Variants in AP1M2 observed in about 807,000 individuals in gnomAD.
AP1M2 encodes AP-1 complex subunit mu-2.
AP1M2 carries 41 observed loss-of-function variants against 54.6 expected under a neutral mutation model. The ratio of observed to expected loss-of-function variants is 0.75; its 90% confidence interval spans 0.59 to 0.97. The LOEUF is 0.97. AP1M2 is among the 50% of genes least tolerant of loss of function. AP1M2 has a pLI of 0.00. For missense variants in AP1M2, 507 were observed against 561.2 expected, an observed-to-expected ratio of 0.90 and a Z score of 0.98; for synonymous variants, 219 against 215.9, an observed-to-expected ratio of 1.01 and a Z score of -0.13.
chr19:10,574,191 T>C (rs1167701052), intron 11 of AP1M2, among the ~76,000 whole-genome samples: 1 of 152,126 alleles, frequency 6.6e-6, no homozygotes, highest in Non-Finnish European at 1.5e-5. Flanking sequence ...GGCTAATTTT[T>C]GTATTTTTAG....
rs148762157 is a variant in AP1M2 at position 10,585,627 on chromosome 19, G to A, written c.43-1557C>T. Among the ~76,000 whole-genome samples, 600 of 152,018 alleles carry A rather than the reference G, an allele frequency of 3.9e-3. 8 individuals are homozygous for A. Among genetic ancestry groups the A allele is most frequent in the Middle Eastern group, 6.8e-3 (2 of 294 alleles). On this transcript the variant is annotated intron_variant, in intron 1 of 11. Transcript: ENST00000250244. ...CATGAGAATCACTTGAACCCAGGAG[G>A]TGAAGGTTGCTGTGAGCTGAGATCA...
Position 10,577,242 on chromosome 19 carries a change from C to T in AP1M2, c.1003G>A (p.Val335Met), listed in dbSNP as rs374637915. Reference protein sequence around the residue: ...FKTSVGSAKYVPERNVVIWSI... With the variant: ...FKTSVGSAKYMPERNVVIWSI... ...CAAATCACGACGTTTCTCTCCGGCA[C>T]ATACTTGGCGCTGCCCACACTGGTC... Residue 335 changes from valine (V) to methionine (M), a missense_variant, in exon 9 of 12, where the codon GTG (valine) becomes ATG (methionine). Val to Met is a conservative substitution (Grantham distance 21). Transcript: ENST00000250244. 8.6e-5 allele frequency: 139 copies of T among 1,613,288 alleles called. No homozygotes were observed. Among genetic ancestry groups the T allele is most frequent in the Non-Finnish European group, 1.1e-4 (130 of 1,179,750 alleles).
At chr19:10,578,844 A>G (rs774435572) in intron 8 of AP1M2, 48 bp downstream of exon 8, 93 of 1,485,462 alleles carry the variant, frequency 6.3e-5, no homozygotes, top group Non-Finnish European at 8.4e-5. Context: ...GAGCCACCGC[A>G]CCCACCCGAG....
rs182418879 is a variant in AP1M2 at position 10,586,611 on chromosome 19, G to A, written c.42+579C>T. Among the ~76,000 whole-genome samples, 39 of 152,210 alleles carry A rather than the reference G, an allele frequency of 2.6e-4. No individual in the cohort carries two copies. The East Asian group carries it at 5.2e-3, about 20-fold the overall frequency. On this transcript the variant is annotated intron_variant, in intron 1 of 11. Coordinates refer to ENST00000250244, the MANE Select transcript of AP1M2 (RefSeq NM_005498.5). The stretch of plus-strand genomic sequence containing the variant: ...GCCAGGCATGGTGGCCTGCACCTGT[G>A]TAGTCACAGCTACTCCGGAGACTGA...
chr19:10,583,666 G>A lies in AP1M2; in HGVS notation c.207C>T (p.Ala69=), dbSNP rs777039078. 2.5e-6 allele frequency: 4 copies of A among 1,613,144 alleles called. No individual in the cohort carries two copies. The highest frequency in any genetic ancestry group is 1.3e-5 in the African/African-American group (1 of 74,874). Residue 69 remains alanine (A), a synonymous_variant, in exon 3 of 12, where the codon GCC becomes GCT. Coordinates refer to ENST00000250244, the MANE Select transcript of AP1M2 (RefSeq NM_005498.5). Reference sequence around the variant, plus strand: ...AGGCATTGGCATTCTTCGATGTGGTGGCCACCACTGGGGCAGCAAGGTTAA... The same window carrying A: ...AGGCATTGGCATTCTTCGATGTGGTAGCCACCACTGGGGCAGCAAGGTTAA... ...WIKHSNLYLV[A]TTSKNANASL...
At chr19:10,586,649 G>T (rs986837395) in intron 1 of AP1M2, among the ~76,000 whole-genome samples, 3 of 151,930 alleles carry the variant, frequency 2.0e-5, no homozygotes, top group Non-Finnish European at 4.4e-5. Flanking sequence ...CAGGAGGATC[G>T]CTTGAGCCCA....
chr19:10,584,408 G>A (rs957858144), intron 1 of AP1M2, among the ~76,000 whole-genome samples: 2 of 152,118 alleles, frequency 1.3e-5, no homozygotes, highest in African/African-American at 2.4e-5. Context: ...GTGAAACCCC[G>A]TCTTTACTAA....
intron 1 of AP1M2, among the ~76,000 whole-genome samples, chr19:10,585,302 A>G (rs59950085): frequency 0.024 from 1,538 of 65,404 alleles, 47 homozygotes; most frequent in East Asian, 0.11. Context: ...AAAGAAAGAA[A>G]GAAAGAAAGA....
At position 10,578,110 on chromosome 19, in the gene AP1M2, G is replaced by C. The variant is rs76234274; in HGVS notation, c.889-754C>G. Among the ~76,000 whole-genome samples the C allele has an allele frequency of 5.6e-3, 850 of 152,238 alleles. 5 individuals carry two copies. The highest frequency in any genetic ancestry group is 9.8e-3 in the Non-Finnish European group (668 of 68,006). On this transcript the variant is annotated intron_variant, in intron 8 of 11. Transcript: ENST00000250244. ...GAAGGCACCAAGAACAGGGCTTCTCGAGCCTCATGGGTGTGGGCCTGAGTT... is the reference window on the plus strand; with the variant it reads ...GAAGGCACCAAGAACAGGGCTTCTCCAGCCTCATGGGTGTGGGCCTGAGTT...
At position 10,581,814 on chromosome 19, in the gene AP1M2, T is replaced by G. The variant is rs1729069190; in HGVS notation, c.332A>C (p.Tyr111Ser). The G allele has an allele frequency of 2.5e-6, 4 of 1,613,882 alleles. No homozygotes were observed. The highest frequency in any genetic ancestry group is 2.2e-5 in the East Asian group (1 of 44,844). The change falls in exon 4 of 12, where the codon TAC (tyrosine) becomes TCC (serine). Residue 111 changes from tyrosine to serine, a missense_variant. Tyr to Ser is a moderately radical substitution (Grantham distance 144). Transcript: ENST00000250244. ...GTCCATGAGCTCGTCCAGCAACTCG[T>G]AGACGATGACAAAGTTGTCCCGGAT... ...ESIRDNFVIV[Y>S]ELLDELMDFG...
At chr19:10,579,939 G>A in intron 6 of AP1M2, 81 bp from the exon 7 acceptor site, 1 of 1,397,054 alleles carries the variant, frequency 7.2e-7, no homozygotes, top group Admixed American at 2.5e-5. Context: ...GCCGACCACT[G>A]TCACCTATTT....
rs918679182 is a variant in AP1M2, at chr19:10,581,232, C to T, written c.673+34G>A. Reference sequence around the variant, plus strand: ...GGGGCGGGTTTGCGACTCCCCTGTGCATTTCTCAGAAGAAAGGTCCCCTAA... The same window carrying T: ...GGGGCGGGTTTGCGACTCCCCTGTGTATTTCTCAGAAGAAAGGTCCCCTAA... On this transcript the variant is annotated intron_variant, in intron 6 of 11. Transcript: ENST00000250244. 7 of 1,588,468 alleles carry T rather than the reference C, an allele frequency of 4.4e-6. No homozygotes were observed. In the African/African-American group the frequency reaches 6.7e-5, roughly 15 times the overall value.
chr19:10,586,799 G>A (rs1917667473), intron 1 of AP1M2, among the ~76,000 whole-genome samples: 1 of 152,168 alleles, frequency 6.6e-6, no homozygotes, highest in East Asian at 1.9e-4. Context: ...ACAGATGGGG[G>A]GAGTTAGAGG....
In AP1M2 at chr19:10,581,775, T is replaced by A. The variant is rs1310624801; in HGVS notation, c.371A>T (p.Gln124Leu). The A allele has an allele frequency of 6.2e-7, 1 of 1,613,658 alleles. No individual in the cohort carries two copies. Reference sequence around the variant, plus strand: ...CTGCAGGATCTTGCTGTCGGTGGTCTGCGGGAAGCCAAAGTCCATGAGCTC... The same window carrying A: ...CTGCAGGATCTTGCTGTCGGTGGTCAGCGGGAAGCCAAAGTCCATGAGCTC... The part of the protein sequence containing the change: ...LDELMDFGFP[Q>L]TTDSKILQEY... The change falls in exon 4 of 12, where the codon CAG (glutamine) becomes CTG (leucine). Residue 124 changes from glutamine to leucine, a missense_variant. Gln to Leu is a moderately radical substitution (Grantham distance 113, BLOSUM62 -2). Transcript: ENST00000250244.
chr19:10,575,206 G>A (rs1188022761), intron 9 of AP1M2, among the ~76,000 whole-genome samples, 177 bp from the exon 10 acceptor site: 3 of 152,056 alleles, frequency 2.0e-5, no homozygotes, highest in Non-Finnish European at 4.4e-5. Context: ...TTAAAAATTA[G>A]CTGGGTGCGG....
In AP1M2 at chr19:10,585,286, A is replaced by AGAAAGAAAGAAAGAAAGAAAGAAG. The variant is rs1917606112; in HGVS notation, c.43-1217_43-1216insCTTCTTTCTTTCTTTCTTTCTTTC. Among the ~76,000 whole-genome samples, 15 of 58,138 alleles carry AGAAAGAAAGAAAGAAAGAAAGAAG rather than the reference A, an allele frequency of 2.6e-4. 1 individual carries two copies. The highest frequency in any genetic ancestry group is 6.9e-4 in the African/African-American group (10 of 14,568). The allele number at this position is 58,138 out of a possible 152,430, so 38.1% of individuals were successfully genotyped here. A position where few individuals can be genotyped will look rare whatever the true frequency, so the allele number is the denominator to read the frequency against. ...AAGGAAAGAAAGAAAGAAGAAAAAA[A>AGAAAGAAAGAAAGAAAGAAAGAAG]GAAAGAAAGAAAGAAAGAAAGAAAG... On this transcript the variant is annotated intron_variant, in intron 1 of 11. Transcript: ENST00000250244.
chr19:10,573,802 C>T (rs1468819081), intron 11 of AP1M2, among the ~76,000 whole-genome samples: 1 of 151,194 alleles, frequency 6.6e-6, no homozygotes, highest in Admixed American at 6.6e-5. Flanking sequence ...GCTGGGACTA[C>T]AGGTGTGCAC....
intron 6 of AP1M2, among the ~76,000 whole-genome samples, chr19:10,580,656 C>T (rs1276488977): frequency 1.3e-5 from 2 of 151,940 alleles, no homozygotes; most frequent in Non-Finnish European, 1.5e-5. Flanking sequence ...AGCGAGACTC[C>T]ATCTTAAATC....
chr19:10,579,982 G>T, intron 6 of AP1M2, 124 bp from the exon 7 acceptor site: 1 of 919,018 alleles, frequency 1.1e-6, no homozygotes, highest in Non-Finnish European at 1.5e-6. Context: ...CAGAGAGAAT[G>T]AGCAAAAACT....
Sources: allele counts gnomAD v4.1 joint callset (sites outside exome capture counted in the v4.1 genomes callset), GRCh38; gene constraint gnomAD v4.1.1; transcripts MANE v1.5; gene names NCBI Gene and HGNC (gene_info 2026-07-23, HGNC 2026-07-21).